The following MTHFD1L variants were observed in gnomAD, a reference collection of about 807,000 sequenced individuals.
The protein encoded by MTHFD1L is methylenetetrahydrofolate dehydrogenase (NADP+ dependent) 1 like.
In MTHFD1L, 81 loss-of-function variants were observed where a neutral mutation model predicts 119.5. The ratio of observed to expected loss-of-function variants is 0.68; its 90% CI spans 0.57 to 0.82. The LOEUF (loss-of-function observed/expected upper bound fraction) is 0.82, where lower values mean the gene tolerates loss of function less well. Among genes scored for constraint, MTHFD1L ranks in the 40% least tolerant of loss-of-function variants. MTHFD1L has a pLI of 0.00. For synonymous variants in MTHFD1L, 430 were observed against 475.2 expected, an observed-to-expected ratio of 0.90 and a Z score of 1.24; for missense variants, 1,125 against 1,253.4, an observed-to-expected ratio of 0.90 and a Z score of 1.55.
intron 20 of MTHFD1L, among the ~76,000 whole-genome samples, chr6:151,005,587 T>A (rs1216010211): frequency 6.6e-6 from 1 of 152,112 alleles, no homozygotes; most frequent in East Asian, 1.9e-4. Context: ...GGTCTCTTTT[T>A]AAAAATAAAA....
At chr6:150,976,103 G>A (rs912858937) in intron 20 of MTHFD1L, among the ~76,000 whole-genome samples, 1 of 152,178 alleles carries the variant, frequency 6.6e-6, no homozygotes, top group African/African-American at 2.4e-5. Context: ...AGGAGGCTGA[G>A]GCAGGAGAAT....
At chr6:150,917,494 AT>A (rs1446446469) in intron 8 of MTHFD1L, among the ~76,000 whole-genome samples, 128 of 150,514 alleles carry the variant, frequency 8.5e-4, no homozygotes, top group African/African-American at 2.9e-3. Context: ...TATCTCAAAA[AT>A]AAAAAAAAAA....
At chr6:151,040,999 T>C (rs1415814317) in intron 26 of MTHFD1L, among the ~76,000 whole-genome samples, 1 of 152,238 alleles carries the variant, frequency 6.6e-6, no homozygotes, top group Non-Finnish European at 1.5e-5. Context: ...GTGAGCCCTC[T>C]GTGTCATTAT....
At chr6:150,876,518 T>G (rs1780471594) in intron 2 of MTHFD1L, among the ~76,000 whole-genome samples, 1 of 152,252 alleles carries the variant, frequency 6.6e-6, no homozygotes. Flanking sequence ...AAAGTGGCAC[T>G]TTGTTTCAAT....
chr6:150,870,595 C>T (rs944027538), intron 1 of MTHFD1L, among the ~76,000 whole-genome samples: 6 of 151,944 alleles, frequency 3.9e-5, no homozygotes. Flanking sequence ...ATTAAGTATG[C>T]ACTAGCGTTT....
At chr6:151,016,479 G>T (rs914961090) in intron 24 of MTHFD1L, among the ~76,000 whole-genome samples, 2 of 151,730 alleles carry the variant, frequency 1.3e-5, no homozygotes, top group Non-Finnish European at 2.9e-5. Context: ...CTGCCAACAC[G>T]TCTGGCTAAG....
intron 7 of MTHFD1L, among the ~76,000 whole-genome samples, chr6:150,895,134 C>T (rs1455990104): frequency 1.3e-5 from 2 of 152,246 alleles, no homozygotes; most frequent in Admixed American, 1.3e-4. Context: ...CAGGCCCCCA[C>T]ACCCAGCGTC....
intron 26 of MTHFD1L, among the ~76,000 whole-genome samples, chr6:151,084,948 CAG>C (rs1793599792): frequency 1.5e-5 from 2 of 132,922 alleles, no homozygotes; most frequent in South Asian, 4.8e-4. Context: ...GCCTGGGTGA[CAG>C]AGTGAGACTC....
At chr6:150,912,721 T>G in intron 8 of MTHFD1L, 2 of 515,000 alleles carry the variant, frequency 3.9e-6, no homozygotes, top group Non-Finnish European at 8.0e-6. Context: ...TTCATTGACT[T>G]GTCCCTGGAG....
intron 18 of MTHFD1L, among the ~76,000 whole-genome samples, chr6:150,961,859 A>G (rs1796499146): frequency 2.0e-5 from 3 of 152,244 alleles, no homozygotes; most frequent in South Asian, 2.1e-4. Flanking sequence ...CTAAACTGAC[A>G]TACTACAGTT....
chr6:150,867,517 G>A (rs1778612555), intron 1 of MTHFD1L, among the ~76,000 whole-genome samples: 1 of 152,174 alleles, frequency 6.6e-6, no homozygotes, highest in South Asian at 2.1e-4. Flanking sequence ...TCATCTTACC[G>A]GTTAGAGTCT....
At chr6:150,963,067 C>T (rs1013951172) in intron 18 of MTHFD1L, among the ~76,000 whole-genome samples, 2 of 152,026 alleles carry the variant, frequency 1.3e-5, no homozygotes, top group Non-Finnish European at 2.9e-5. Flanking sequence ...AGGCACCTGC[C>T]ACCATGCCTG....
At chr6:150,933,656 A>C (rs895212908) in intron 11 of MTHFD1L, among the ~76,000 whole-genome samples, 3 of 152,160 alleles carry the variant, frequency 2.0e-5, no homozygotes, top group Middle Eastern at 6.8e-3. Context: ...GAATCCACCG[A>C]CCACTCTCGG....
intron 11 of MTHFD1L, chr6:150,934,825 C>G (rs34282451): frequency 1.0e-5 from 11 of 1,062,818 alleles, no homozygotes; most frequent in African/African-American, 1.6e-5. Context: ...GCTTATCCCT[C>G]GTAGAAATGC....
At position 151,019,508 on chromosome 6, in the gene MTHFD1L, C is replaced by T. The variant is rs78194532; in HGVS notation, c.2586+3815C>T. ...ATGCTGCTAAAATGTCAGCTCTCTTCTGAAAGGAGGAAAATGTTTAATAAT... is the reference window on the plus strand; with the variant it reads ...ATGCTGCTAAAATGTCAGCTCTCTTTTGAAAGGAGGAAAATGTTTAATAAT... On this transcript the variant is annotated intron_variant, in intron 24 of 27. Transcript: ENST00000367321. Among the ~76,000 whole-genome samples the T allele has an allele frequency of 9.1e-3, 1,385 of 152,202 alleles. 24 individuals carry two copies. Among genetic ancestry groups the T allele is most frequent in the African/African-American group, 0.032 (1,314 of 41,514 alleles).
At chr6:151,099,381 G>C (rs1159629669) in intron 27 of MTHFD1L, 6 of 633,020 alleles carry the variant, frequency 9.5e-6, no homozygotes, top group African/African-American at 3.7e-5. Context: ...CCTGTCCCAA[G>C]AGTCATTGAC....
At chr6:150,877,964 T>A in intron 4 of MTHFD1L, 138 bp downstream of exon 4, 1 of 979,932 alleles carries the variant, frequency 1.0e-6, no homozygotes, top group South Asian at 1.5e-5. Context: ...ACTTCACTTC[T>A]TTTCTCTAGG....
At chr6:150,952,548 T>C (rs1301847743) in intron 16 of MTHFD1L, among the ~76,000 whole-genome samples, 1 of 152,194 alleles carries the variant, frequency 6.6e-6, no homozygotes, top group South Asian at 2.1e-4. Flanking sequence ...ATCTTTTTTT[T>C]TGAGACAGAG....
At chr6:150,894,727 T>C (rs768917244) in intron 7 of MTHFD1L, among the ~76,000 whole-genome samples, 75 of 152,298 alleles carry the variant, frequency 4.9e-4, no homozygotes, top group Non-Finnish European at 7.2e-4. Flanking sequence ...AAATCGATCC[T>C]TTCTCTGTCC....
Sources: gnomAD v4.1 joint callset for allele counts (sites outside exome capture counted in the v4.1 genomes callset) on GRCh38, gnomAD v4.1.1 for gene constraint, MANE v1.5 for transcripts, NCBI Gene and HGNC (gene_info 2026-07-23, HGNC 2026-07-21) for gene names.